STAB1: variants seen among roughly 807,000 people sequenced by gnomAD.
The protein encoded by STAB1 is stabilin 1.
In STAB1, 250 loss-of-function variants were observed where a neutral mutation model predicts 332.4. The observed-to-expected ratio is 0.75, with a 90% CI of 0.68 to 0.84. STAB1 has a LOEUF of 0.84. STAB1 is among the 40% of genes least tolerant of loss of function. The pLI is 0.00. For synonymous variants in STAB1, 1,475 were observed against 1,390.4 expected (o/e 1.06, Z -1.35); for missense variants, 3,249 against 3,489.7 (o/e 0.93, Z 1.74).
At position 52,503,799 on chromosome 3, in the gene STAB1, G is replaced by C; in HGVS notation, c.919G>C (p.Val307Leu). 6.2e-7 allele frequency: 1 copy of C among 1,613,190 alleles called. No individual in the cohort carries two copies. The highest frequency in any genetic ancestry group is 1.1e-5 in the South Asian group (1 of 91,088). The change falls in exon 9 of 69, where the codon GTC becomes CTC. Residue 307 changes from valine (V) to leucine (L), a missense_variant. Transcript: ENST00000321725. ...CTTCTGCACCTGCCGGCCAGGCCTG[G>C]TCAGCATCAACAGCAACGCTTCTGC... ...QAFCTCRPGL[V>L]SINSNASAGC...
rs1559722996 is a variant in STAB1 at position 52,521,875 on chromosome 3, A to G, written c.6195A>G (p.Ala2065=). Residue 2065 remains alanine, a synonymous_variant, in exon 58 of 69, where the codon GCA becomes GCG. Transcript: ENST00000321725. ...ELQPVCTPPC[A]PEAVCRAGNS... ...AGCCTGTGTGTACCCCACCCTGTGCACCCGAGGCTGTGTGCCGTGCAGGCA... is the reference window on the plus strand; with the variant it reads ...AGCCTGTGTGTACCCCACCCTGTGCGCCCGAGGCTGTGTGCCGTGCAGGCA... The G allele has an allele frequency of 1.2e-6, 2 of 1,604,666 alleles. No individual in the cohort carries two copies. The highest frequency in any genetic ancestry group is 3.4e-5 in the Admixed American group (2 of 59,646).
At chr3:52,500,432 C>T (rs1708358876) in intron 1 of STAB1, among the ~76,000 whole-genome samples, 1 of 152,252 alleles carries the variant, frequency 6.6e-6, no homozygotes, top group African/African-American at 2.4e-5. Flanking sequence ...ACCAGAGTCC[C>T]TGCACACAGC....
At position 52,521,978 on chromosome 3, in the gene STAB1, G is replaced by T. The variant is rs759354725; in HGVS notation, c.6271+27G>T. 8.6e-5 allele frequency: 138 copies of T among 1,606,706 alleles called. No homozygotes were observed. The Admixed American group carries it at 1.4e-3, about 17-fold the overall frequency. On this transcript the variant is annotated intron_variant, in intron 58 of 68. Transcript: ENST00000321725. ...TAAGCAGATGGGCGGGGACATGGAG[G>T]TGGGAGGCCCCCACTCCCCTGCAGT...
Position 52,501,256 on chromosome 3 carries a change from T to A in STAB1, c.169T>A (p.Ser57Thr). Reference sequence around the variant, plus strand: ...GGCCATCAAGAAGCAGACGTGTCCCTCAGGCTGGCTGCGGGAGCTCCCGGA... The same window carrying A: ...GGCCATCAAGAAGCAGACGTGTCCCACAGGCTGGCTGCGGGAGCTCCCGGA... ...CAAIKKQTCP[S>T]GWLRELPDQI... The change falls in exon 2 of 69, where the codon TCA becomes ACA. Residue 57 changes from serine (S) to threonine (T), a missense_variant. Physicochemically the swap from Ser to Thr is moderately conservative, Grantham distance 58. Coordinates refer to ENST00000321725, the MANE Select transcript of STAB1 (RefSeq NM_015136.3). 6.2e-7 allele frequency: 1 copy of A among 1,613,684 alleles called. No homozygotes were observed. The highest frequency in any genetic ancestry group is 8.5e-7 in the Non-Finnish European group (1 of 1,180,008).
At chr3:52,495,706 C>T (rs1312419055) in intron 1 of STAB1, among the ~76,000 whole-genome samples, 1 of 152,176 alleles carries the variant, frequency 6.6e-6, no homozygotes, top group Admixed American at 6.5e-5. Flanking sequence ...GTGTGTCAGC[C>T]CACCCTCCTC....
intron 38 of STAB1, 24 bp downstream of exon 38, chr3:52,516,262 G>T: frequency 1.3e-6 from 2 of 1,587,532 alleles, no homozygotes. Context: ...AGGGGCGGGG[G>T]TGGGCCTCCT....
Position 52,523,233 on chromosome 3 carries a change from C to T in STAB1, c.7032C>T (p.Gly2344=). The T allele has an allele frequency of 4.3e-6, 7 of 1,613,260 alleles. No homozygotes were observed. Among genetic ancestry groups the T allele is most frequent in the East Asian group, 2.2e-5 (1 of 44,888 alleles). Reference sequence around the variant, plus strand: ...TTCCACCGTGCCAGATGCTATTGGGCTATGCCAATGCCACCCAGCGGGGTC... The same window carrying T: ...TTCCACCGTGCCAGATGCTATTGGGTTATGCCAATGCCACCCAGCGGGGTC... The part of the protein sequence containing the change: ...NFSTFYGMLL[G]YANATQRGLD... The change falls in exon 64 of 69, where the codon GGC becomes GGT. Residue 2344 remains glycine (G), a synonymous_variant. Transcript: ENST00000321725.
In STAB1 at chr3:52,495,480, G is replaced by C. The variant is rs772133500; in HGVS notation, c.67G>C (p.Val23Leu). 4.5e-6 allele frequency: 6 copies of C among 1,339,092 alleles called. No individual in the cohort carries two copies. Among genetic ancestry groups the C allele is most frequent in the Non-Finnish European group, 5.8e-6 (6 of 1,037,560 alleles). 83.0% of individuals were successfully genotyped at this position (1,339,092 alleles called of 1,614,324 possible). Reference sequence around the variant, plus strand: ...CTTCTGCCTGGCAGGCTTCAGCTTCGTCAGGGGGCAGGTAAGTGTGAGCCA... The same window carrying C: ...CTTCTGCCTGGCAGGCTTCAGCTTCCTCAGGGGGCAGGTAAGTGTGAGCCA... ...LAFCLAGFSF[V>L]RGQVLFKGCD... The change falls in exon 1 of 69, where the codon GTC becomes CTC. Residue 23 changes from valine to leucine, a missense_variant. Val to Leu is a conservative substitution (Grantham distance 32). Coordinates refer to ENST00000321725, the MANE Select transcript of STAB1 (RefSeq NM_015136.3).
chr3:52,508,144 G>A (rs1709020591), intron 20 of STAB1, 118 bp downstream of exon 20: 3 of 1,358,818 alleles, frequency 2.2e-6, no homozygotes, highest in Non-Finnish European at 3.1e-6. Flanking sequence ...CAGCCTGACG[G>A]TGGAAAAGGG....
rs759973020 is a variant in STAB1 at position 52,505,635 on chromosome 3, G to A, written c.1582-33G>A. ...GGACTCAGAGGTGGAGGCTGGCCAT[G>A]CAACCCCCTGAGCCTCCCTTGCACC... On this transcript the variant is annotated intron_variant, in intron 14 of 68. Coordinates refer to ENST00000321725, the MANE Select transcript of STAB1 (RefSeq NM_015136.3). The A allele has an allele frequency of 2.5e-6, 4 of 1,604,170 alleles. No individual in the cohort carries two copies. In the South Asian group the frequency reaches 3.3e-5, roughly 13 times the overall value.
In STAB1 at chr3:52,521,620, G is replaced by A. The variant is rs140632225; in HGVS notation, c.6083G>A (p.Arg2028His). 9.3e-6 allele frequency: 15 copies of A among 1,612,776 alleles called. No individual in the cohort carries two copies. The African/African-American group carries it at 1.6e-4, about 17-fold the overall frequency. ...CQACRCTVHG[R>H]CDEGLGGSGS... ...GCCTGCCGCTGCACTGTGCATGGCC[G>A]CTGTGATGAGGGCCTTGGGGGCTCT... Residue 2028 changes from arginine (R) to histidine (H), a missense_variant, in exon 57 of 69, where the codon CGC (arginine) becomes CAC (histidine). Coordinates refer to ENST00000321725, the MANE Select transcript of STAB1 (RefSeq NM_015136.3).
intron 33 of STAB1, 32 bp from the exon 34 acceptor site, chr3:52,514,333 G>C: frequency 6.4e-7 from 1 of 1,556,534 alleles, no homozygotes; most frequent in South Asian, 1.2e-5. Context: ...TGGTTATCCT[G>C]CAGTCCCCTG....
In STAB1 at chr3:52,524,407, T is replaced by A; in HGVS notation, c.*51T>A. On this transcript the variant is annotated 3_prime_UTR_variant, in exon 69 of 69. Coordinates refer to ENST00000321725, the MANE Select transcript of STAB1 (RefSeq NM_015136.3). ...ATGCACAGGGAGGAGACCACTTTTA[T>A]TGCTTGTCTGGGTGGATGGGGCAGG... 1 of 1,612,416 alleles carries A rather than the reference T, an allele frequency of 6.2e-7. No homozygotes were observed. Among genetic ancestry groups the A allele is most frequent in the Non-Finnish European group, 8.5e-7 (1 of 1,179,284 alleles).
intron 22 of STAB1, 52 bp from the exon 23 acceptor site, chr3:52,509,818 C>T: frequency 5.0e-6 from 8 of 1,605,934 alleles, no homozygotes; most frequent in Non-Finnish European, 6.8e-6. Context: ...TGGCTCCCAG[C>T]CAGCCCTGCC....
intron 8 of STAB1, 43 bp downstream of exon 8, chr3:52,503,583 C>A: frequency 6.3e-7 from 1 of 1,598,562 alleles, no homozygotes; most frequent in South Asian, 1.1e-5. Context: ...ACAGTGCACC[C>A]AAACACTGGC....
intron 43 of STAB1, 67 bp from the exon 44 acceptor site, chr3:52,517,483 C>T (rs1302894199): frequency 1.3e-6 from 2 of 1,595,258 alleles, no homozygotes; most frequent in East Asian, 2.2e-5. Context: ...AGGGGGGTGA[C>T]CCTTTTACCC....
Position 52,508,350 on chromosome 3 carries a change from CA to C in STAB1, c.2229del (p.Gly744AlafsTer169). 1 of 1,613,780 alleles carries C rather than the reference CA, an allele frequency of 6.2e-7. No homozygotes were observed. On this transcript the variant is annotated frameshift_variant, in exon 21 of 69. Coordinates refer to ENST00000321725, the MANE Select transcript of STAB1 (RefSeq NM_015136.3). LOFTEE classifies it high-confidence loss of function. ...GGGGCTTCTCCAACCCCTGCTATGG[CA>C]AAGGCAATGTGAGTCCCATCCTCTC... is the stretch of plus-strand genomic sequence containing the variant. ...PGGFSNPCYG[K>X]GNCSDGIQGN...
Position 52,504,479 on chromosome 3 carries a change from TC to T in STAB1, c.1171del (p.Thr392ProfsTer21), listed in dbSNP as rs748659110. 1.2e-6 allele frequency: 2 copies of T among 1,613,896 alleles called. No homozygotes were observed. Among genetic ancestry groups the T allele is most frequent in the Admixed American group, 3.3e-5 (2 of 60,010 alleles). On this transcript the variant is annotated frameshift_variant, in exon 11 of 69. Transcript: ENST00000321725. LOFTEE classifies it high-confidence loss of function. ...VAMMDQGCRE[I>X]LTTAGPFTVL... ...CCCCCAGACCAGGGCTGCCGGGAAA[TC>T]CTTACCACAGCGGGCCCTTTCACCG...
chr3:52,515,299 T>C, intron 36 of STAB1, 124 bp from the exon 37 acceptor site: 1 of 1,008,604 alleles, frequency 9.9e-7, no homozygotes. Context: ...TTGGTCCCTC[T>C]CTGACCCTTC....
Sources: allele counts gnomAD v4.1 joint callset (sites outside exome capture counted in the v4.1 genomes callset), GRCh38; gene constraint gnomAD v4.1.1; transcripts MANE v1.5; gene names NCBI Gene and HGNC (gene_info 2026-07-23, HGNC 2026-07-21).